Variants in METTL8 observed in about 807,000 individuals in gnomAD.
METTL8 encodes methyltransferase 8, tRNA N3-cytidine, also known as tRNA N(3)-cytidine methyltransferase METTL8, mitochondrial.
In METTL8, 32 loss-of-function variants were observed where a neutral mutation model predicts 48.7. The ratio of observed to expected loss-of-function variants is 0.66; its 90% CI spans 0.50 to 0.88. The LOEUF (loss-of-function observed/expected upper bound fraction) is 0.88. Among genes scored for constraint, METTL8 ranks in the 40% least tolerant of loss-of-function variants. METTL8 has a pLI of 0.00. For synonymous variants in METTL8, 136 were observed against 157.1 expected (o/e 0.87, Z 1.01); for missense variants, 464 against 474.4 (o/e 0.98, Z 0.20).
chr2:171,389,013 C>T lies in METTL8; in HGVS notation c.143+3030G>A, dbSNP rs114708846. On this transcript the variant is annotated intron_variant, in intron 2 of 9. Coordinates refer to ENST00000375258, the MANE Select transcript of METTL8 (RefSeq NM_001321154.2). ...GGTTCCCCTACTCCCTGAGACAAAA[C>T]AATAATGAAATGAGGCCAGTTGATT... Among the ~76,000 whole-genome samples, 1,155 of 152,202 alleles carry T rather than the reference C, an allele frequency of 7.6e-3. 13 individuals are homozygous for T. Among genetic ancestry groups the T allele is most frequent in the African/African-American group, 0.027 (1,107 of 41,522 alleles).
chr2:171,372,844 T>C (rs968308836), intron 2 of METTL8, among the ~76,000 whole-genome samples: 91 of 152,336 alleles, frequency 6.0e-4, no homozygotes, highest in Non-Finnish European at 1.2e-3. Context: ...TAGTATTCCA[T>C]GGTGTATATA....
Position 171,393,126 on chromosome 2 carries a change from A to C in METTL8, c.-12-929T>G, listed in dbSNP as rs1359443066. The stretch of plus-strand genomic sequence containing the variant: ...CTCAAAACAAACAAAACAAAACAAA[A>C]ATGCATGCTTAAGGCCAGCTGCAGT... On this transcript the variant is annotated intron_variant, in intron 1 of 9. Transcript: ENST00000375258. 3.3e-5 allele frequency among the ~76,000 whole-genome samples: 5 copies of C among 151,678 alleles called. No homozygotes were observed. The East Asian group carries it at 9.7e-4, about 29-fold the overall frequency.
At chr2:171,428,593 C>T (rs1467751916) in intron 1 of METTL8, among the ~76,000 whole-genome samples, 1 of 152,074 alleles carries the variant, frequency 6.6e-6, no homozygotes, top group Non-Finnish European at 1.5e-5. Context: ...GCATTAACCA[C>T]ATTTTAGGTA....
At chr2:171,375,336 C>A in intron 2 of METTL8, 1 of 698,956 alleles carries the variant, frequency 1.4e-6, no homozygotes. Context: ...CCAAGTTCCT[C>A]GTTAGCATAG....
intron 1 of METTL8, among the ~76,000 whole-genome samples, chr2:171,420,294 G>A (rs1478626532): frequency 1.3e-5 from 2 of 152,150 alleles, no homozygotes; most frequent in Non-Finnish European, 2.9e-5. Context: ...TTTGACTCCT[G>A]GTATGATGCT....
chr2:171,393,990 C>T (rs954723008), intron 1 of METTL8, among the ~76,000 whole-genome samples: 4 of 152,206 alleles, frequency 2.6e-5, no homozygotes, highest in Non-Finnish European at 5.9e-5. Flanking sequence ...AAACCTTCAA[C>T]AGCAAGTGCA....
intron 2 of METTL8, among the ~76,000 whole-genome samples, chr2:171,371,322 T>C (rs573814515): frequency 5.3e-5 from 8 of 152,224 alleles, no homozygotes; most frequent in Admixed American, 3.3e-4. Context: ...GTTACTGTTA[T>C]TAGTAAATTA....
At chr2:171,347,529 A>C (rs902477263) in intron 3 of METTL8, among the ~76,000 whole-genome samples, 1 of 152,230 alleles carries the variant, frequency 6.6e-6, no homozygotes, top group African/African-American at 2.4e-5. Context: ...TATTCAAAAT[A>C]GGGCAAAAAA....
chr2:171,388,589 G>T (rs922207302), intron 2 of METTL8, among the ~76,000 whole-genome samples: 1 of 152,060 alleles, frequency 6.6e-6, no homozygotes, highest in African/African-American at 2.4e-5. Flanking sequence ...CAATATTTGT[G>T]TGTCAGGCAT....
intron 4 of METTL8, among the ~76,000 whole-genome samples, chr2:171,337,803 A>G (rs1291252197): frequency 6.6e-6 from 1 of 152,110 alleles, no homozygotes; most frequent in African/African-American, 2.4e-5. Context: ...TAGGAAAAAA[A>G]AAAAAACAGA....
At chr2:171,393,519 T>C (rs969479135) in intron 1 of METTL8, among the ~76,000 whole-genome samples, 7 of 151,828 alleles carry the variant, frequency 4.6e-5, no homozygotes, top group African/African-American at 1.7e-4. Context: ...TTAAAGAGTA[T>C]GTCATCTTAA....
chr2:171,339,395 T>C lies in METTL8; in HGVS notation c.395A>G (p.His132Arg). ...EEKARESSWD[H>R]VKTSATNRFS... ...ACGATTTGTAGCACTAGTTTTTACA[T>C]GATCCCATGATGATTCTCTCGCCTT... The change falls in exon 4 of 10, where the codon CAT (histidine) becomes CGT (arginine). Residue 132 changes from histidine (H) to arginine (R), a missense_variant. His to Arg is a conservative substitution (Grantham distance 29). Coordinates refer to ENST00000375258, the MANE Select transcript of METTL8 (RefSeq NM_001321154.2). The C allele has an allele frequency of 7.4e-6, 12 of 1,613,538 alleles. No individual in the cohort carries two copies. Among genetic ancestry groups the C allele is most frequent in the Non-Finnish European group, 9.3e-6 (11 of 1,179,656 alleles).
At chr2:171,350,459 A>G (rs1458075179) in intron 3 of METTL8, among the ~76,000 whole-genome samples, 1 of 152,174 alleles carries the variant, frequency 6.6e-6, no homozygotes, top group African/African-American at 2.4e-5. Context: ...ATGATTTATA[A>G]TCCTTTGGGT....
intron 2 of METTL8, among the ~76,000 whole-genome samples, chr2:171,365,629 T>G (rs1685639405): frequency 6.6e-6 from 1 of 152,296 alleles, no homozygotes; most frequent in Non-Finnish European, 1.5e-5. Flanking sequence ...AAAGTCATAT[T>G]TATTACATAG....
intron 1 of METTL8, among the ~76,000 whole-genome samples, chr2:171,403,235 G>C (rs1689817749): frequency 2.6e-5 from 4 of 152,112 alleles, no homozygotes; most frequent in Non-Finnish European, 5.9e-5. Context: ...CCTCAGCCAG[G>C]TGATCAAGGT....
chr2:171,352,752 G>T lies in METTL8; in HGVS notation c.235+7670C>A, dbSNP rs556756554. On this transcript the variant is annotated intron_variant, in intron 3 of 9. Transcript: ENST00000375258. ...TTCTTCTAGATTTTCTAGTTTATTT[G>T]CATAGAGGTGTTTACAGTATACTCT... Among the ~76,000 whole-genome samples the T allele has an allele frequency of 2.0e-5, 3 of 152,326 alleles. No individual in the cohort carries two copies. The South Asian group carries it at 6.2e-4, about 32-fold the overall frequency.
intron 1 of METTL8, among the ~76,000 whole-genome samples, chr2:171,409,466 C>G (rs1423337510): frequency 6.6e-6 from 1 of 152,148 alleles, no homozygotes; most frequent in Non-Finnish European, 1.5e-5. Context: ...CTGAGGCAGT[C>G]AGTTAGGACC....
intron 2 of METTL8, among the ~76,000 whole-genome samples, chr2:171,363,792 T>TTATATATATATATATATATGTATA (rs1685406003): frequency 6.2e-5 from 6 of 97,434 alleles, no homozygotes; most frequent in African/African-American, 2.5e-4. Flanking sequence ...TCCCCAAATT[T>TTATATATATATATATATATGTATA]TATATATATA....
intron 1 of METTL8, among the ~76,000 whole-genome samples, chr2:171,428,314 G>A (rs1174957153): frequency 6.6e-6 from 1 of 152,048 alleles, no homozygotes; most frequent in Non-Finnish European, 1.5e-5. Context: ...ACTGATTTAA[G>A]GAATAAGTGG....
Sources: gnomAD v4.1 joint callset for allele counts (sites outside exome capture counted in the v4.1 genomes callset) on GRCh38, gnomAD v4.1.1 for gene constraint, MANE v1.5 for transcripts, NCBI Gene and HGNC (gene_info 2026-07-23, HGNC 2026-07-21) for gene names.